Variants in LRFN5 observed in about 807,000 individuals in gnomAD.
LRFN5 encodes the protein leucine rich repeat and fibronectin type III domain containing 5.
Under a neutral mutation model 45.6 loss-of-function variants are expected in LRFN5, and 24 were observed. The observed-to-expected ratio is 0.53, with a 90% CI of 0.38 to 0.74. LRFN5 has a LOEUF of 0.74. Among genes scored for constraint, LRFN5 ranks in the 30% least tolerant of loss-of-function variants. The probability of loss-of-function intolerance (pLI) is 0.00; values close to 1 mark genes in which losing one functional copy is unlikely to be tolerated. For missense variants in LRFN5, 776 were observed against 861.5 expected, an observed-to-expected ratio of 0.90 and a Z score of 1.24; for synonymous variants, 340 against 313.8, an observed-to-expected ratio of 1.08 and a Z score of -0.88.
chr14:41,622,509 T>G (rs1434275602), intron 1 of LRFN5, among the ~76,000 whole-genome samples: 1 of 152,106 alleles, frequency 6.6e-6, no homozygotes, highest in Non-Finnish European at 1.5e-5. Context: ...GCTTATTTAT[T>G]TTTATCAAAT....
chr14:41,704,796 C>A (rs1236780824), intron 1 of LRFN5, among the ~76,000 whole-genome samples: 3 of 151,948 alleles, frequency 2.0e-5, no homozygotes, highest in African/African-American at 7.3e-5. Context: ...AAATAAGTAT[C>A]TTTTAAAGAT....
chr14:41,686,681 T>C (rs1436952484), intron 1 of LRFN5, among the ~76,000 whole-genome samples: 1 of 152,204 alleles, frequency 6.6e-6, no homozygotes, highest in African/African-American at 2.4e-5. Context: ...GGATGTTGAA[T>C]TTTATCAAAG....
chr14:41,885,908 C>T (rs1890552432), intron 2 of LRFN5, among the ~76,000 whole-genome samples: 1 of 150,160 alleles, frequency 6.7e-6, no homozygotes, highest in Non-Finnish European at 1.5e-5. Flanking sequence ...CCTAGCTACT[C>T]AGGGAGGCCA....
chr14:41,734,316 T>C (rs866937193), intron 1 of LRFN5, among the ~76,000 whole-genome samples: 7 of 38,768 alleles, frequency 1.8e-4, no homozygotes, highest in Non-Finnish European at 4.8e-4. Flanking sequence ...TGGACTGGTT[T>C]TATATATATA....
chr14:41,858,853 GT>G (rs1889564136), intron 2 of LRFN5, among the ~76,000 whole-genome samples: 1 of 152,026 alleles, frequency 6.6e-6, no homozygotes, highest in South Asian at 2.1e-4. Context: ...ATTTCATCTG[GT>G]TTACTCTAGA....
chr14:41,733,051 T>A (rs73311023), intron 1 of LRFN5, among the ~76,000 whole-genome samples: 6,749 of 141,536 alleles, frequency 0.048, 332 homozygotes, highest in African/African-American at 0.13. Context: ...AAAAGAAAGT[T>A]AAAAAAAAAA....
chr14:41,856,417 C>G (rs1889453437), intron 2 of LRFN5, among the ~76,000 whole-genome samples: 1 of 152,064 alleles, frequency 6.6e-6, no homozygotes, highest in Non-Finnish European at 1.5e-5. Context: ...CAAGGGGCTT[C>G]TATCTCTAAT....
chr14:41,858,042 T>G (rs553523812), intron 2 of LRFN5, among the ~76,000 whole-genome samples: 1 of 152,346 alleles, frequency 6.6e-6, no homozygotes, highest in South Asian at 2.1e-4. Flanking sequence ...TAATTTTATC[T>G]TATAAATATA....
chr14:41,892,101 A>G lies in LRFN5; in HGVS notation c.2098+139A>G. ...TTTCCTAAAAGAAGCATGTCTATGA[A>G]TGTGATGTTTATTCAGTCTGACTGT... On this transcript the variant is annotated intron_variant, in intron 4 of 5. Transcript: ENST00000298119. The G allele has an allele frequency of 2.8e-6, 4 of 1,446,084 alleles. No homozygotes were observed. The South Asian group carries it at 6.0e-5, about 22-fold the overall frequency. The allele number at this position is 1,446,084 out of a possible 1,614,324, so 89.6% of individuals were successfully genotyped here.
In LRFN5 at chr14:41,887,438, C is replaced by T. The variant is rs1050749159; in HGVS notation, c.813C>T (p.Gly271=). The stretch of plus-strand genomic sequence containing the variant: ...GTGCTTCTCCTCCACTTTTAACTGG[C>T]CGCTACTTTTGGTCAATTCCTGAAG... ...ETCASPPLLT[G]RYFWSIPEEE... is the part of the protein sequence containing the mutation. Residue 271 remains glycine, a synonymous_variant, in exon 3 of 6, where the codon GGC becomes GGT. Transcript: ENST00000298119. The surrounding 1 kb of genome is among the most constrained non-coding windows in gnomAD (Gnocchi z 4.8). 3 of 1,614,030 alleles carry T rather than the reference C, an allele frequency of 1.9e-6. No homozygotes were observed. The African/African-American group carries it at 4.0e-5, about 22-fold the overall frequency.
intron 2 of LRFN5, among the ~76,000 whole-genome samples, chr14:41,869,048 G>C (rs1316609896): frequency 6.6e-6 from 1 of 152,110 alleles, no homozygotes; most frequent in Admixed American, 6.6e-5. Flanking sequence ...AAAATCCAGA[G>C]TATTCACTCA....
chr14:41,831,597 G>A (rs1458674362), intron 2 of LRFN5, among the ~76,000 whole-genome samples: 1 of 152,018 alleles, frequency 6.6e-6, no homozygotes, highest in Non-Finnish European at 1.5e-5. Context: ...GAGTAAAAAG[G>A]ACTGTTACCT....
chr14:41,793,175 A>G lies in LRFN5; in HGVS notation c.-21+26146A>G, dbSNP rs1886994151. ...AAAAAAAAAAGAAAAAAAAAGTATT[A>G]CTTGAGAACTGATAAATGTCCATGA... On this transcript the variant is annotated intron_variant, in intron 2 of 5. Coordinates refer to ENST00000298119, the MANE Select transcript of LRFN5 (RefSeq NM_152447.5). Among the ~76,000 whole-genome samples, 3 of 152,000 alleles carry G rather than the reference A, an allele frequency of 2.0e-5. No homozygotes were observed. The South Asian group carries it at 6.2e-4, about 31-fold the overall frequency.
chr14:41,673,449 A>ACC (rs564196582), intron 1 of LRFN5, among the ~76,000 whole-genome samples: 2 of 125,516 alleles, frequency 1.6e-5, no homozygotes, highest in African/African-American at 6.3e-5. Context: ...GGGGGGGCTG[A>ACC]CCCCCCCACC....
intron 2 of LRFN5, among the ~76,000 whole-genome samples, chr14:41,777,455 A>G (rs777573534): frequency 2.0e-5 from 3 of 151,724 alleles, no homozygotes; most frequent in Non-Finnish European, 4.4e-5. Context: ...TTACATTTTT[A>G]CATTGATTTG....
chr14:41,879,989 C>G (rs1015976375), intron 2 of LRFN5, among the ~76,000 whole-genome samples: 1 of 121,774 alleles, frequency 8.2e-6, no homozygotes, highest in African/African-American at 3.1e-5. Context: ...GTGGCAAGAT[C>G]TAATGTCGGC....
intron 2 of LRFN5, among the ~76,000 whole-genome samples, chr14:41,851,475 A>G (rs1033224983): frequency 1.3e-5 from 2 of 151,808 alleles, no homozygotes; most frequent in Non-Finnish European, 3.0e-5. Context: ...TATTTGCATA[A>G]AATACTTATG....
intron 1 of LRFN5, among the ~76,000 whole-genome samples, chr14:41,614,742 G>A (rs552748852): frequency 6.6e-6 from 1 of 152,120 alleles, no homozygotes; most frequent in South Asian, 2.1e-4. Flanking sequence ...CCTCACCTAA[G>A]AAATAGGGCT....
At chr14:41,773,045 T>C (rs910377317) in intron 2 of LRFN5, among the ~76,000 whole-genome samples, 3 of 152,142 alleles carry the variant, frequency 2.0e-5, no homozygotes, top group East Asian at 1.9e-4. Context: ...AAACACAAAA[T>C]TGAGATGTCG....
Sources: allele counts gnomAD v4.1 joint callset (sites outside exome capture counted in the v4.1 genomes callset), GRCh38; gene constraint gnomAD v4.1.1; non-coding constraint Gnocchi (gnomAD v3.1); transcripts MANE v1.5; gene names NCBI Gene and HGNC (gene_info 2026-07-23, HGNC 2026-07-21).